The following FOXP1 variants were observed in gnomAD, a reference collection of about 807,000 sequenced individuals.
FOXP1 encodes forkhead box protein P1.
In FOXP1, 15 loss-of-function variants were observed where a neutral mutation model predicts 98.2. The observed-to-expected ratio is 0.15, with a 90% CI of 0.10 to 0.24. The LOEUF is 0.24. Ranked by LOEUF, FOXP1 falls within the 10% of genes least tolerant of loss-of-function variation. The pLI is 1.00. For missense variants in FOXP1, 633 were observed against 848.5 expected, an observed-to-expected ratio of 0.75 and a Z score of 3.15; for synonymous variants, 371 against 314.5, an observed-to-expected ratio of 1.18 and a Z score of -1.90.
At chr3:71,471,512 C>A (rs1216819742) in intron 3 of FOXP1, among the ~76,000 whole-genome samples, 2 of 152,152 alleles carry the variant, frequency 1.3e-5, no homozygotes, top group African/African-American at 2.4e-5. Context: ...TTTGAGTATA[C>A]ACCTTCTAGT....
intron 7 of FOXP1, among the ~76,000 whole-genome samples, chr3:71,055,233 C>A (rs1234943499): frequency 6.6e-6 from 1 of 152,170 alleles, no homozygotes; most frequent in Non-Finnish European, 1.5e-5. Flanking sequence ...AAAATGGTTC[C>A]TGAAGGTCAG....
Position 71,152,888 on chromosome 3 carries a change from G to T in FOXP1, c.181-40251C>A, listed in dbSNP as rs182723816. Among the ~76,000 whole-genome samples, 409 of 152,226 alleles carry T rather than the reference G, an allele frequency of 2.7e-3. 1 individual carries two copies. Among genetic ancestry groups the T allele is most frequent in the African/African-American group, 9.4e-3 (391 of 41,530 alleles). On this transcript the variant is annotated intron_variant, in intron 6 of 20. Coordinates refer to ENST00000649528, the MANE Select transcript of FOXP1 (RefSeq NM_001349338.3). ...ACAACAAAAAGGGTGGAGTGGAAAG[G>T]TTCTGAGCTGCCTTCCCATTCTGAC... is the stretch of plus-strand genomic sequence containing the variant.
At chr3:71,001,407 C>T (rs999944297) in intron 12 of FOXP1, among the ~76,000 whole-genome samples, 2 of 152,148 alleles carry the variant, frequency 1.3e-5, no homozygotes, top group East Asian at 1.9e-4. Flanking sequence ...TCGGAAGAGT[C>T]TAATTTGTAT....
At chr3:71,548,451 G>A (rs2045535555) in intron 2 of FOXP1, among the ~76,000 whole-genome samples, 1 of 152,058 alleles carries the variant, frequency 6.6e-6, no homozygotes, top group Admixed American at 6.5e-5. Context: ...CGTCACCCAG[G>A]CTGGAGTGCA....
rs2106853275 is a variant in FOXP1 at position 70,959,234 on chromosome 3, C to A, written c.*13G>T. On this transcript the variant is annotated 3_prime_UTR_variant, in exon 21 of 21. Coordinates refer to ENST00000649528, the MANE Select transcript of FOXP1 (RefSeq NM_001349338.3). ...TTCCAATCTTCATTCTCGGGGTTGG[C>A]CCGCCCCGATAGTCACTCCATGTCC... 1 of 1,612,408 alleles carries A rather than the reference C, an allele frequency of 6.2e-7. No homozygotes were observed. Among genetic ancestry groups the A allele is most frequent in the Non-Finnish European group, 8.5e-7 (1 of 1,179,414 alleles).
At chr3:71,413,147 C>T (rs1348334776) in intron 3 of FOXP1, among the ~76,000 whole-genome samples, 1 of 141,388 alleles carries the variant, frequency 7.1e-6, no homozygotes, top group Non-Finnish European at 1.5e-5. Flanking sequence ...CAAACAGCCA[C>T]ACACATAACC....
At chr3:71,151,965 T>C (rs1449548422) in intron 6 of FOXP1, among the ~76,000 whole-genome samples, 1 of 152,198 alleles carries the variant, frequency 6.6e-6, no homozygotes, top group East Asian at 1.9e-4. Flanking sequence ...ATGAATGGGA[T>C]GGAATACATT....
At chr3:71,416,290 C>T (rs894835776) in intron 3 of FOXP1, among the ~76,000 whole-genome samples, 5 of 152,030 alleles carry the variant, frequency 3.3e-5, no homozygotes, top group African/African-American at 1.2e-4. Flanking sequence ...AATACCAACA[C>T]TTTGGGAGGA....
intron 7 of FOXP1, among the ~76,000 whole-genome samples, chr3:71,062,701 T>C (rs2051705667): frequency 6.6e-6 from 1 of 152,210 alleles, no homozygotes; most frequent in African/African-American, 2.4e-5. Flanking sequence ...ATACCTCTCA[T>C]TTCCTTAACT....
At chr3:71,203,171 T>C (rs1209241187) in intron 5 of FOXP1, among the ~76,000 whole-genome samples, 1 of 152,228 alleles carries the variant, frequency 6.6e-6, no homozygotes, top group Non-Finnish European at 1.5e-5. Flanking sequence ...CATCTCCAGA[T>C]GAACTGAGCC....
At chr3:71,016,743 T>C (rs1163599084) in intron 11 of FOXP1, among the ~76,000 whole-genome samples, 1 of 152,050 alleles carries the variant, frequency 6.6e-6, no homozygotes, top group Non-Finnish European at 1.5e-5. Flanking sequence ...TCAGGATGTA[T>C]ATTCATGTAT....
At position 71,310,606 on chromosome 3, in the gene FOXP1, T is replaced by G. The variant is rs541940121; in HGVS notation, c.-72-10726A>C. On this transcript the variant is annotated intron_variant, in intron 4 of 20. Coordinates refer to ENST00000649528, the MANE Select transcript of FOXP1 (RefSeq NM_001349338.3). ...CTCACTGTTGCTGGTCTTCCCCGAT[T>G]CCTGCCTCCCTCTCCATGTTCCGGG... Among the ~76,000 whole-genome samples the G allele has an allele frequency of 2.0e-5, 3 of 152,334 alleles. No homozygotes were observed. In the South Asian group the frequency reaches 6.2e-4, roughly 32 times the overall value.
chr3:71,110,904 C>T (rs1010356673), intron 7 of FOXP1, among the ~76,000 whole-genome samples: 3 of 152,326 alleles, frequency 2.0e-5, no homozygotes, highest in African/African-American at 2.4e-5. Flanking sequence ...TGCATGCGCA[C>T]GCATTCCAAG....
intron 4 of FOXP1, among the ~76,000 whole-genome samples, chr3:71,322,466 G>C (rs1338003749): frequency 2.0e-5 from 3 of 152,176 alleles, no homozygotes; most frequent in Non-Finnish European, 4.4e-5. Context: ...ACAGTGTGTA[G>C]GTACATTTTA....
At chr3:71,107,425 C>T (rs1441069507) in intron 7 of FOXP1, among the ~76,000 whole-genome samples, 2 of 151,972 alleles carry the variant, frequency 1.3e-5, no homozygotes, top group African/African-American at 4.8e-5. Flanking sequence ...ATCAGAAAGG[C>T]TTAAGAACTA....
intron 2 of FOXP1, among the ~76,000 whole-genome samples, chr3:71,515,388 C>T (rs1363304749): frequency 8.6e-6 from 1 of 116,606 alleles, no homozygotes; most frequent in Non-Finnish European, 1.7e-5. Flanking sequence ...AAGAAACGTT[C>T]AACTAAATGG....
At chr3:71,526,363 G>C (rs576739983) in intron 2 of FOXP1, among the ~76,000 whole-genome samples, 120 of 152,206 alleles carry the variant, frequency 7.9e-4, no homozygotes, top group African/African-American at 2.9e-3. Flanking sequence ...GACCTTCTCT[G>C]CCAGGGAAAT....
chr3:70,973,931 G>A (rs1210281355), intron 17 of FOXP1, among the ~76,000 whole-genome samples: 1 of 146,794 alleles, frequency 6.8e-6, no homozygotes, highest in Non-Finnish European at 1.5e-5. Context: ...GATACTCTGA[G>A]AGGTGCTTCA....
At chr3:71,154,506 T>G (rs74595190) in intron 6 of FOXP1, among the ~76,000 whole-genome samples, 1 of 152,214 alleles carries the variant, frequency 6.6e-6, no homozygotes, top group African/African-American at 2.4e-5. Flanking sequence ...ATCACAAGAA[T>G]AGATGTCCAT....
Sources: allele counts gnomAD v4.1 joint callset (sites outside exome capture counted in the v4.1 genomes callset), GRCh38; gene constraint gnomAD v4.1.1; transcripts MANE v1.5; gene names NCBI Gene and HGNC (gene_info 2026-07-23, HGNC 2026-07-21).